The following ALG6 variants were observed in gnomAD, a reference collection of about 807,000 sequenced individuals.
ALG6 encodes ALG6 alpha-1,3-glucosyltransferase, also known as dolichyl pyrophosphate Man9GlcNAc2 alpha-1,3-glucosyltransferase.
Under a neutral mutation model 66.6 loss-of-function variants are expected in ALG6, and 46 were observed. That is an observed-to-expected ratio of 0.69 (90% confidence interval 0.55 to 0.88). The LOEUF (loss-of-function observed/expected upper bound fraction) is 0.88. ALG6 is among the 40% of genes least tolerant of loss of function. ALG6 has a pLI of 0.00. For missense variants in ALG6, 505 were observed against 586.8 expected, an observed-to-expected ratio of 0.86 and a Z score of 1.44; for synonymous variants, 185 against 203.7, an observed-to-expected ratio of 0.91 and a Z score of 0.78.
chr1:63,403,632 C>T (rs996354316), intron 4 of ALG6, among the ~76,000 whole-genome samples: 1 of 152,094 alleles, frequency 6.6e-6, no homozygotes, highest in Non-Finnish European at 1.5e-5. Context: ...GTGATTTCAT[C>T]ATTATGCAAA....
intron 12 of ALG6, among the ~76,000 whole-genome samples, chr1:63,424,418 C>T (rs561483726): frequency 3.3e-5 from 5 of 152,262 alleles, no homozygotes; most frequent in Non-Finnish European, 5.9e-5. Flanking sequence ...GGATTACAGG[C>T]GTGAACCACT....
Position 63,404,392 on chromosome 1 carries a change from A to G in ALG6, c.258-61A>G, listed in dbSNP as rs1644480366. On this transcript the variant is annotated intron_variant, in intron 4 of 14. Transcript: ENST00000263440. Reference sequence around the variant, plus strand: ...TATTAATACATTCATATATCCTTCAATATCTTTATTGCTAAAAGGGATGAG... The same window carrying G: ...TATTAATACATTCATATATCCTTCAGTATCTTTATTGCTAAAAGGGATGAG... The G allele has an allele frequency of 9.2e-6, 12 of 1,307,486 alleles. No homozygotes were observed. In the South Asian group the frequency reaches 1.1e-4, roughly 12 times the overall value. The allele number at this position is 1,307,486 out of a possible 1,614,324, so 81.0% of individuals were successfully genotyped here. A position where few individuals can be genotyped will look rare whatever the true frequency, so the allele number is the denominator to read the frequency against.
At chr1:63,413,816 A>G in intron 9 of ALG6, 1 of 410,036 alleles carries the variant, frequency 2.4e-6, no homozygotes. Context: ...ACTATTAAGT[A>G]TTTGGGAATG....
intron 12 of ALG6, among the ~76,000 whole-genome samples, chr1:63,419,859 C>G (rs907927223): frequency 6.6e-6 from 1 of 151,988 alleles, no homozygotes; most frequent in Non-Finnish European, 1.5e-5. Flanking sequence ...TTTTTTGCCA[C>G]AAGCTTAGTT....
At chr1:63,402,113 A>G in intron 3 of ALG6, 141 bp from the exon 4 acceptor site, 1 of 677,360 alleles carries the variant, frequency 1.5e-6, no homozygotes, top group Non-Finnish European at 2.6e-6. Flanking sequence ...GTGTCTATTG[A>G]CATGGCTTAA....
chr1:63,392,363 G>A (rs1171765375), intron 2 of ALG6, among the ~76,000 whole-genome samples: 1 of 151,864 alleles, frequency 6.6e-6, no homozygotes, highest in Non-Finnish European at 1.5e-5. Flanking sequence ...TAGAGACGGG[G>A]TTTCACCATG....
At chr1:63,405,786 T>G (rs1557589610) in intron 5 of ALG6, among the ~76,000 whole-genome samples, 1 of 152,110 alleles carries the variant, frequency 6.6e-6, no homozygotes, top group Non-Finnish European at 1.5e-5. Flanking sequence ...TTATTTTTCT[T>G]TGTTCTAAAG....
At chr1:63,410,947 T>A (rs189860027) in intron 7 of ALG6, among the ~76,000 whole-genome samples, 199 bp from the exon 8 acceptor site, 2 of 152,324 alleles carry the variant, frequency 1.3e-5, no homozygotes, top group Non-Finnish European at 2.9e-5. Flanking sequence ...CTGTTATACA[T>A]AATTTCATGT....
In ALG6 at chr1:63,437,814, T is replaced by TTA. The variant is rs886046476; in HGVS notation, c.*804_*805dup. 3 of 148,970 alleles carry TTA rather than the reference T, an allele frequency of 2.0e-5. No homozygotes were observed. Among genetic ancestry groups the TTA allele is most frequent in the Middle Eastern group, 3.5e-3 (1 of 286 alleles). 9.2% of individuals were successfully genotyped at this position (148,970 alleles called of 1,614,324 possible). On this transcript the variant is annotated 3_prime_UTR_variant, in exon 15 of 15. Coordinates refer to ENST00000263440, the MANE Select transcript of ALG6 (RefSeq NM_013339.4). ...CCATTCTGTTTAATTAAACATTATA[T>TTA]TATATATATATTATTATTGACATGG...
At chr1:63,391,601 A>G (rs1347204439) in intron 2 of ALG6, among the ~76,000 whole-genome samples, 1 of 152,200 alleles carries the variant, frequency 6.6e-6, no homozygotes, top group African/African-American at 2.4e-5. Context: ...AAAATATTCA[A>G]TATGCCAAGG....
chr1:63,390,330 TG>T (rs1648631681), intron 2 of ALG6, among the ~76,000 whole-genome samples: 2 of 152,196 alleles, frequency 1.3e-5, no homozygotes, highest in Admixed American at 6.5e-5. Context: ...GCCTGGAATG[TG>T]GGCCTCAGGA....
At chr1:63,418,539 C>G (rs1333094771) in intron 11 of ALG6, among the ~76,000 whole-genome samples, 2 of 151,876 alleles carry the variant, frequency 1.3e-5, no homozygotes, top group African/African-American at 4.8e-5. Context: ...AGGCAGGAAC[C>G]AGATCTTGTA....
chr1:63,427,613 T>A (rs1232377005), intron 12 of ALG6, among the ~76,000 whole-genome samples: 3 of 151,850 alleles, frequency 2.0e-5, no homozygotes, highest in Non-Finnish European at 4.4e-5. Flanking sequence ...GAAAATAGAT[T>A]AATCATTTGC....
chr1:63,426,287 G>T (rs1477321532), intron 12 of ALG6, among the ~76,000 whole-genome samples: 1 of 152,106 alleles, frequency 6.6e-6, no homozygotes, highest in Admixed American at 6.5e-5. Flanking sequence ...GATCAAGGAG[G>T]TTACTTCCCA....
intron 2 of ALG6, among the ~76,000 whole-genome samples, chr1:63,377,556 T>A (rs1398652125): frequency 6.6e-6 from 1 of 152,216 alleles, no homozygotes; most frequent in Non-Finnish European, 1.5e-5. Flanking sequence ...AGCCTAAAGT[T>A]AATATTTATA....
Position 63,412,065 on chromosome 1 carries a change from T to G in ALG6, c.816+4T>G, listed in dbSNP as rs762931650. On this transcript the variant is annotated splice_donor_region_variant and intron_variant, in intron 9 of 14. Transcript: ENST00000263440. ...GGTTGATCGTGGATTATTTGAGGCA[T>G]GTTTAAACACTTTCCTCTCCTTTCT... 6.2e-7 allele frequency: 1 copy of G among 1,613,962 alleles called. No homozygotes were observed. The highest frequency in any genetic ancestry group is 8.5e-7 in the Non-Finnish European group (1 of 1,179,974).
At chr1:63,414,436 G>T (rs1400738436) in intron 10 of ALG6, among the ~76,000 whole-genome samples, 1 of 151,924 alleles carries the variant, frequency 6.6e-6, no homozygotes, top group Non-Finnish European at 1.5e-5. Flanking sequence ...TTTTAGTAAA[G>T]ATGAGGTTTC....
At chr1:63,417,847 T>C (rs1644552602) in intron 11 of ALG6, among the ~76,000 whole-genome samples, 1 of 151,918 alleles carries the variant, frequency 6.6e-6, no homozygotes, top group Admixed American at 6.6e-5. Flanking sequence ...ATGAAGAAAG[T>C]AGTGTTGGCC....
At chr1:63,373,658 A>ATTT (rs34012518) in intron 2 of ALG6, among the ~76,000 whole-genome samples, 31 of 131,248 alleles carry the variant, frequency 2.4e-4, no homozygotes, top group African/African-American at 5.6e-4. Flanking sequence ...TTTAATTTAC[A>ATTT]TTTTTTTTTT....
Sources: gnomAD v4.1 joint callset for allele counts (sites outside exome capture counted in the v4.1 genomes callset) on GRCh38, gnomAD v4.1.1 for gene constraint, MANE v1.5 for transcripts, NCBI Gene and HGNC (gene_info 2026-07-23, HGNC 2026-07-21) for gene names.